PALM2AKAP2: variants seen among roughly 807,000 people sequenced by gnomAD.
The protein encoded by PALM2AKAP2 is PALM2-AKAP2 fusion protein.
PALM2AKAP2 carries 37 observed loss-of-function variants against 71.5 expected under a neutral mutation model. The ratio of observed to expected loss-of-function variants is 0.52; its 90% CI spans 0.40 to 0.68. The LOEUF (loss-of-function observed/expected upper bound fraction) is 0.68, where lower values mean the gene tolerates loss of function less well. Among genes scored for constraint, PALM2AKAP2 ranks in the 30% least tolerant of loss-of-function variants. PALM2AKAP2 has a pLI of 0.00. For missense variants in PALM2AKAP2, 1,224 were observed against 1,191.8 expected (o/e 1.03, Z -0.40); for synonymous variants, 468 against 478.8 (o/e 0.98, Z 0.29).
At chr9:109,898,029 A>G (rs1187422184) in intron 3 of PALM2AKAP2, among the ~76,000 whole-genome samples, 2 of 152,244 alleles carry the variant, frequency 1.3e-5, no homozygotes, top group Non-Finnish European at 2.9e-5. Context: ...AAGAAGACTT[A>G]CAGTTAAAGA....
intron 3 of PALM2AKAP2, among the ~76,000 whole-genome samples, chr9:109,916,740 A>G (rs1222372744): frequency 6.6e-6 from 1 of 152,178 alleles, no homozygotes; most frequent in Non-Finnish European, 1.5e-5. Flanking sequence ...TAAGCCCATA[A>G]CAAGCAATCT....
At chr9:109,739,464 G>C (rs956899212) in intron 1 of PALM2AKAP2, among the ~76,000 whole-genome samples, 1 of 152,186 alleles carries the variant, frequency 6.6e-6, no homozygotes, top group Non-Finnish European at 1.5e-5. Context: ...TTGGTATATA[G>C]GTGTATAGAT....
At chr9:109,736,765 C>T (rs1319099317) in intron 1 of PALM2AKAP2, among the ~76,000 whole-genome samples, 5 of 152,084 alleles carry the variant, frequency 3.3e-5, no homozygotes, top group Admixed American at 6.6e-5. Context: ...TTCCACTCTC[C>T]CGCCATCCCA....
intron 1 of PALM2AKAP2, among the ~76,000 whole-genome samples, chr9:110,072,161 G>A (rs913958369): frequency 2.0e-5 from 3 of 152,078 alleles, no homozygotes; most frequent in African/African-American, 7.2e-5. Flanking sequence ...CCAATATAAA[G>A]CAAACTGTTG....
chr9:110,149,944 G>A (rs1836268979), intron 2 of PALM2AKAP2, among the ~76,000 whole-genome samples: 1 of 152,184 alleles, frequency 6.6e-6, no homozygotes, highest in African/African-American at 2.4e-5. Context: ...AAATCCAAAA[G>A]GAGGATTGAG....
intron 1 of PALM2AKAP2, among the ~76,000 whole-genome samples, chr9:109,679,174 C>T (rs549398040): frequency 3.3e-5 from 5 of 152,196 alleles, no homozygotes; most frequent in East Asian, 3.9e-4. Context: ...TGCTTCCTGC[C>T]GAGAACACCA....
At chr9:109,843,521 A>G (rs1373594628) in intron 1 of PALM2AKAP2, among the ~76,000 whole-genome samples, 1 of 151,810 alleles carries the variant, frequency 6.6e-6, no homozygotes, top group Non-Finnish European at 1.5e-5. Flanking sequence ...ATGTGTGAAT[A>G]TATATATATA....
At chr9:109,719,269 A>G (rs1828371559) in intron 1 of PALM2AKAP2, among the ~76,000 whole-genome samples, 1 of 152,218 alleles carries the variant, frequency 6.6e-6, no homozygotes. Flanking sequence ...TCAGTTGTGA[A>G]AGAGGGCTCT....
intron 3 of PALM2AKAP2, among the ~76,000 whole-genome samples, chr9:110,165,328 A>G (rs1836710021): frequency 7.0e-6 from 1 of 141,968 alleles, no homozygotes; most frequent in South Asian, 2.3e-4. Flanking sequence ...ACACACACAC[A>G]CGTCTGAATT....
chr9:110,137,047 G>A lies in PALM2AKAP2; in HGVS notation c.1077G>A (p.Glu359=), dbSNP rs569201970. The change falls in exon 2 of 4, where the codon GAG becomes GAA. Residue 359 remains glutamate (E), a synonymous_variant. Coordinates refer to ENST00000374525, the Ensembl canonical transcript of PALM2AKAP2. ...ACAAAAAGTACAAGGAGCGCAAAGA[G>A]AGAAGGGCACAGCAGGAACAGTTGC... is the stretch of plus-strand genomic sequence containing the variant. 22 of 1,614,100 alleles carry A rather than the reference G, an allele frequency of 1.4e-5. No individual in the cohort carries two copies. In the South Asian group the frequency reaches 2.3e-4, roughly 17 times the overall value.
At position 110,042,668 on chromosome 9, in the gene PALM2AKAP2, G is replaced by T. The variant is rs143302660; in HGVS notation, c.582+26629G>T. On this transcript the variant is annotated intron_variant, in intron 7 of 9. Coordinates refer to the PALM2AKAP2 transcript ENST00000302798. ...ACACTCCTACCAACATAGTATTGGA[G>T]GTTGTCTGATGCTCACCCCACTATT... Among the ~76,000 whole-genome samples the T allele has an allele frequency of 4.9e-3, 741 of 152,258 alleles. 5 individuals are homozygous for T. The highest frequency in any genetic ancestry group is 0.017 in the African/African-American group (690 of 41,544).
chr9:109,669,330 A>C lies in PALM2AKAP2; in HGVS notation c.5+28464A>C, dbSNP rs540389757. ...ACTTTTTTCTAGATCTAATGAGACA[A>C]TCACATGGATTCCCTTTGCTAATAT... On this transcript the variant is annotated intron_variant, in intron 1 of 6. Coordinates refer to the PALM2AKAP2 transcript ENST00000374531. Among the ~76,000 whole-genome samples the C allele has an allele frequency of 4.9e-4, 75 of 152,172 alleles. 2 individuals are homozygous for C. Among genetic ancestry groups the C allele is most frequent in the South Asian group, 4.8e-3 (23 of 4,820 alleles).
At chr9:109,644,478 A>G (rs1827119237) in intron 1 of PALM2AKAP2, among the ~76,000 whole-genome samples, 1 of 152,206 alleles carries the variant, frequency 6.6e-6, no homozygotes, top group Admixed American at 6.5e-5. Context: ...TGTTGAGATT[A>G]GCACTGGTCA....
At chr9:110,062,697 T>G (rs1359815179) in intron 1 of PALM2AKAP2, among the ~76,000 whole-genome samples, 1 of 152,218 alleles carries the variant, frequency 6.6e-6, no homozygotes, top group Non-Finnish European at 1.5e-5. Context: ...ATTAGTTTGC[T>G]AAGGCTGCCA....
intron 6 of PALM2AKAP2, among the ~76,000 whole-genome samples, chr9:109,985,136 A>G (rs1832349128): frequency 6.6e-6 from 1 of 151,918 alleles, no homozygotes; most frequent in African/African-American, 2.4e-5. Context: ...AGATCACGCC[A>G]TTGCACTCCA....
At chr9:109,801,718 G>C (rs1349538153) in intron 1 of PALM2AKAP2, among the ~76,000 whole-genome samples, 1 of 151,928 alleles carries the variant, frequency 6.6e-6, no homozygotes, top group African/African-American at 2.4e-5. Flanking sequence ...ATGTGTGTGT[G>C]TGTGTGTGTG....
chr9:109,701,455 T>C (rs185128992), intron 1 of PALM2AKAP2, among the ~76,000 whole-genome samples: 363 of 152,244 alleles, frequency 2.4e-3, no homozygotes, highest in East Asian at 0.012. Flanking sequence ...CTGCAACCAT[T>C]TGATCTTTGA....
chr9:109,715,334 C>T (rs1443701266), intron 1 of PALM2AKAP2, among the ~76,000 whole-genome samples: 1 of 152,116 alleles, frequency 6.6e-6, no homozygotes, highest in African/African-American at 2.4e-5. Flanking sequence ...GTCCGTGGCA[C>T]CTGGGAGGCA....
chr9:109,948,145 G>T (rs543057988), intron 6 of PALM2AKAP2, among the ~76,000 whole-genome samples: 2 of 152,124 alleles, frequency 1.3e-5, no homozygotes, highest in Non-Finnish European at 2.9e-5. Context: ...AAGAAAAGTC[G>T]TTTATTAGGA....
Sources: allele counts gnomAD v4.1 joint callset (sites outside exome capture counted in the v4.1 genomes callset), GRCh38; gene constraint gnomAD v4.1.1; transcripts MANE v1.5; gene names NCBI Gene and HGNC (gene_info 2026-07-23, HGNC 2026-07-21).